The following NBPF9 variants were observed in gnomAD, a reference collection of about 807,000 sequenced individuals.
The protein encoded by NBPF9 is NBPF member 9.
In NBPF9, 91 loss-of-function variants were observed where a neutral mutation model predicts 97.8. The ratio of observed to expected loss-of-function variants is 0.93; its 90% CI spans 0.79 to 1.11. NBPF9 has a LOEUF of 1.11. NBPF9 is among the 50% of genes least tolerant of loss of function. The pLI, the probability that NBPF9 is intolerant of heterozygous loss-of-function variation, is 0.00. For synonymous variants in NBPF9, 334 were observed against 359.5 expected (o/e 0.93, Z 0.80); for missense variants, 992 against 939.5 (o/e 1.06, Z -0.73).
At chr1:149,082,371 C>A in exon 6 of NBPF9, 1 of 1,478,796 alleles carries the variant, frequency 6.8e-7, no homozygotes, top group South Asian at 1.2e-5. Flanking sequence ...GAAAGCACTG[C>A]CAGTAGCTCA....
At chr1:149,072,438 C>T (rs2079491465) in intron 14 of NBPF9, among the ~76,000 whole-genome samples, 2 of 152,110 alleles carry the variant, frequency 1.3e-5, no homozygotes, top group African/African-American at 4.8e-5. Context: ...AGCCTGCTCC[C>T]ATCGCAGCCT....
At chr1:149,081,015 G>A (rs1269614337) in intron 7 of NBPF9, among the ~76,000 whole-genome samples, 1 of 151,660 alleles carries the variant, frequency 6.6e-6, no homozygotes, top group Non-Finnish European at 1.5e-5. Context: ...CACATTCTCG[G>A]GTGTGATCTT....
At chr1:149,076,454 C>A (rs1449895436) in intron 11 of NBPF9, among the ~76,000 whole-genome samples, 2 of 150,702 alleles carry the variant, frequency 1.3e-5, no homozygotes, top group Non-Finnish European at 3.0e-5. Flanking sequence ...ACCTCGGCCT[C>A]CCAAAGTGTT....
chr1:149,090,646 A>C (rs2081355514), intron 5 of NBPF9, 107 bp downstream of exon 5: 1 of 596,048 alleles, frequency 1.7e-6, no homozygotes. Context: ...AAGAAAACTC[A>C]GCTAAGCATA....
At chr1:149,097,198 G>A (rs185856643) in intron 4 of NBPF9, among the ~76,000 whole-genome samples, 1 of 151,720 alleles carries the variant, frequency 6.6e-6, no homozygotes, top group Non-Finnish European at 1.5e-5. Flanking sequence ...GGGAAGGAAG[G>A]AAGGAAGGAA....
intron 7 of NBPF9, among the ~76,000 whole-genome samples, chr1:149,080,876 GAGGT>G (rs2080371640): frequency 1.3e-5 from 2 of 151,512 alleles, no homozygotes; most frequent in African/African-American, 4.9e-5. Context: ...GCAATTTACA[GAGGT>G]AGGTATTATT....
Position 149,075,993 on chromosome 1 carries a change from T to G in NBPF9, c.779-129A>C, listed in dbSNP as rs372365142. 80 of 843,500 alleles carry G rather than the reference T, an allele frequency of 9.5e-5. No homozygotes were observed. The East Asian group carries it at 1.4e-3, about 15-fold the overall frequency. 52.3% of individuals were successfully genotyped at this position (843,500 alleles called of 1,614,324 possible). On this transcript the variant is annotated intron_variant, in intron 11 of 29. Transcript: ENST00000584027. ...GAAGATGTTGTTTCCCTGGTTTCAC[T>G]CTTGTCATCTCCAGTCTTGATCTCC...
At chr1:149,079,641 A>T (rs1575850975) in intron 8 of NBPF9, among the ~76,000 whole-genome samples, 1 of 150,646 alleles carries the variant, frequency 6.6e-6, no homozygotes, top group Admixed American at 6.6e-5. Flanking sequence ...ACGAAAGAAG[A>T]AAAGAATGAC....
rs587684368 is a variant in NBPF9, at chr1:149,077,528, A to C, written c.567-109T>G. 3.5e-6 allele frequency: 5 copies of C among 1,426,410 alleles called. No individual in the cohort carries two copies. The African/African-American group carries it at 5.6e-5, about 16-fold the overall frequency. The allele number at this position is 1,426,410 out of a possible 1,614,324, so 88.4% of individuals were successfully genotyped here. A position where few individuals can be genotyped will look rare whatever the true frequency, so the allele number is the denominator to read the frequency against. On this transcript the variant is annotated intron_variant, in intron 10 of 29. Transcript: ENST00000584027. ...GCGGCATTAAGAGAGTGGTTCCAGAAAGCAAAACGGAGGTTCCCTTAAAGA... is the reference window on the plus strand; with the variant it reads ...GCGGCATTAAGAGAGTGGTTCCAGACAGCAAAACGGAGGTTCCCTTAAAGA...
chr1:149,056,399 G>A (rs1270162593), intron 29 of NBPF9, 113 bp downstream of exon 29: 77 of 190,074 alleles, frequency 4.1e-4, no homozygotes, highest in Non-Finnish European at 6.0e-4. Context: ...AATGACAGTA[G>A]GAGTAATTCA....
At position 149,073,009 on chromosome 1, in the gene NBPF9, T is replaced by C; in HGVS notation, c.1092-77A>G. The C allele has an allele frequency of 2.0e-6, 3 of 1,517,686 alleles. No homozygotes were observed. In the South Asian group the frequency reaches 3.4e-5, roughly 17 times the overall value. The allele number at this position is 1,517,686 out of a possible 1,614,324, so 94.0% of individuals were successfully genotyped here. A position where few individuals can be genotyped will look rare whatever the true frequency, so the allele number is the denominator to read the frequency against. ...GCTCAAATATTGCAACAGAGATTTC[T>C]GAAACAGTGTCCTCAAGGAGACCTC... On this transcript the variant is annotated intron_variant, in intron 13 of 29. Transcript: ENST00000584027.
chr1:149,059,293 G>A, intron 25 of NBPF9, 196 bp from the exon 26 acceptor site: 2 of 478,390 alleles, frequency 4.2e-6, no homozygotes, highest in Non-Finnish European at 7.7e-6. Flanking sequence ...AAGACAGGGA[G>A]AGACAGAGAC....
exon 30 of NBPF9, chr1:149,055,792 T>G (rs782234283): frequency 1.6e-5 from 25 of 1,611,220 alleles, no homozygotes; most frequent in Middle Eastern, 2.2e-4. Flanking sequence ...TCTGTAGTGC[T>G]GGAATGAGTC....
intron 3 of NBPF9, among the ~76,000 whole-genome samples, chr1:149,100,448 T>G: frequency 7.1e-6 from 1 of 141,552 alleles, no homozygotes; most frequent in Admixed American, 7.2e-5. Flanking sequence ...TTATTTTTAT[T>G]TTTTGTAGAG....
chr1:149,072,924 T>C, exon 14 of NBPF9: 1 of 1,606,804 alleles, frequency 6.2e-7, no homozygotes, highest in Non-Finnish European at 8.5e-7. Context: ...AACCAGGACT[T>C]TATATTGCCT....
chr1:149,079,324 G>C (rs1440482676), intron 8 of NBPF9, 103 bp from the exon 9 acceptor site: 11 of 1,222,630 alleles, frequency 9.0e-6, no homozygotes, highest in South Asian at 1.2e-5. Flanking sequence ...AGGAGACCTT[G>C]AAACAGAAGG....
At chr1:149,077,891 A>T in exon 10 of NBPF9, 2 of 1,530,638 alleles carry the variant, frequency 1.3e-6, no homozygotes, top group South Asian at 2.2e-5. Context: ...ACCTGGGGGC[A>T]GATGATTCCA....
At chr1:149,059,150 C>G in intron 25 of NBPF9, 53 bp from the exon 26 acceptor site, 1 of 410,390 alleles carries the variant, frequency 2.4e-6, no homozygotes. Context: ...AGAAACCACA[C>G]AGCCCCAGCT....
At chr1:149,081,246 A>C (rs1422823913) in intron 7 of NBPF9, among the ~76,000 whole-genome samples, 1 of 149,952 alleles carries the variant, frequency 6.7e-6, no homozygotes, top group East Asian at 2.0e-4. Flanking sequence ...CAGCCTCCCG[A>C]TTAGTGGTGA....
Sources: gnomAD v4.1 joint callset for allele counts (sites outside exome capture counted in the v4.1 genomes callset) on GRCh38, gnomAD v4.1.1 for gene constraint, MANE v1.5 for transcripts, NCBI Gene and HGNC (gene_info 2026-07-23, HGNC 2026-07-21) for gene names.